BCL9L: variants seen among roughly 807,000 people sequenced by gnomAD.
BCL9L encodes the protein B-cell CLL/lymphoma 9-like protein.
In BCL9L, 19 loss-of-function variants were observed where a neutral mutation model predicts 99.4. The ratio of observed to expected loss-of-function variants is 0.19; its 90% CI spans 0.13 to 0.28. The LOEUF is 0.28. Among genes scored for constraint, BCL9L ranks in the 10% least tolerant of loss-of-function variants. The probability of loss-of-function intolerance (pLI) is 1.00; values close to 1 mark genes in which losing one functional copy is unlikely to be tolerated. For synonymous variants in BCL9L, 900 were observed against 854.8 expected (o/e 1.05, Z -0.92); for missense variants, 2,023 against 2,101.6 (o/e 0.96, Z 0.73).
rs1941263291 is a variant in BCL9L at position 118,925,754 on chromosome 11, C to G, written c.-647G>C. ...CCGGGCGGCGCGGCGCCGGGGGACC[C>G]AGGCGTGCGGGCGTCCGGCCGGCTG... On this transcript the variant is annotated 5_prime_UTR_variant, in exon 1 of 10. Coordinates refer to ENST00000683865, the MANE Select transcript of BCL9L (RefSeq NM_001378213.1). This position sits in a 1 kb window ranked among gnomAD's most constrained non-coding sequence, Gnocchi z 6.4. The G allele has an allele frequency of 6.6e-6, 1 of 150,396 alleles. No individual in the cohort carries two copies. The highest frequency in any genetic ancestry group is 1.5e-5 in the Non-Finnish European group (1 of 67,468). 9.3% of individuals were successfully genotyped at this position (150,396 alleles called of 1,614,324 possible). A position where few individuals can be genotyped will look rare whatever the true frequency, so the allele number is the denominator to read the frequency against.
intron 1 of BCL9L, among the ~76,000 whole-genome samples, chr11:118,919,297 G>A (rs1042635774): frequency 6.6e-6 from 1 of 151,546 alleles, no homozygotes; most frequent in African/African-American, 2.4e-5. Flanking sequence ...GAGGTTGGAG[G>A]ACCCCAGATT....
rs764551213 is a variant in BCL9L, at chr11:118,899,363, G to T, written c.3552C>A (p.Asn1184Lys). Residue 1184 changes from asparagine to lysine, a missense_variant, in exon 10 of 10, where the codon AAC (asparagine) becomes AAA (lysine). Around this residue, in one of 3 missense-constraint regions of BCL9L, gnomAD observed 902 missense variants for 888.2 expected, o/e 1.02. Coordinates refer to ENST00000683865, the MANE Select transcript of BCL9L (RefSeq NM_001378213.1). ...CCTGTGCGTTGGGATGCAGTGGAAT[G>T]TTGGAGCCCAGAGGGGTGGGGGAGG... The part of the protein sequence containing the change: ...MLPSPTPLGS[N>K]IPLHPNAQGT... 1 of 1,580,846 alleles carries T rather than the reference G, an allele frequency of 6.3e-7. No homozygotes were observed. The highest frequency in any genetic ancestry group is 1.2e-5 in the South Asian group (1 of 86,836).
At chr11:118,905,320 C>A (rs146726025) in intron 5 of BCL9L, among the ~76,000 whole-genome samples, 1,920 of 152,068 alleles carry the variant, frequency 0.013, 54 homozygotes, top group East Asian at 0.11. Flanking sequence ...ACCAGCCTGG[C>A]CATAATGGTG....
chr11:118,898,253 G>A lies in BCL9L; in HGVS notation c.*162C>T. Reference sequence around the variant, plus strand: ...CCACACTGCCACTTCCCCCTAAGCTGCCAGCACATCTGGTTTCCACAAATG... The same window carrying A: ...CCACACTGCCACTTCCCCCTAAGCTACCAGCACATCTGGTTTCCACAAATG... On this transcript the variant is annotated 3_prime_UTR_variant, in exon 10 of 10. Coordinates refer to ENST00000683865, the MANE Select transcript of BCL9L (RefSeq NM_001378213.1). 9.8e-7 allele frequency: 1 copy of A among 1,020,756 alleles called. No homozygotes were observed. The highest frequency in any genetic ancestry group is 1.4e-6 in the Non-Finnish European group (1 of 724,830). The allele number at this position is 1,020,756 out of a possible 1,614,324, so 63.2% of individuals were successfully genotyped here.
chr11:118,904,906 G>A (rs117092535), intron 5 of BCL9L, among the ~76,000 whole-genome samples: 104 of 152,320 alleles, frequency 6.8e-4, no homozygotes, highest in Admixed American at 1.4e-3. Flanking sequence ...GAGCTTGAGA[G>A]CTGACCTCAA....
chr11:118,912,013 T>G (rs974700936), intron 2 of BCL9L, among the ~76,000 whole-genome samples: 6 of 152,150 alleles, frequency 3.9e-5, no homozygotes, highest in Non-Finnish European at 8.8e-5. Context: ...CACCCTCCCC[T>G]CCGGGACTCC....
rs765228482 is a variant in BCL9L, at chr11:118,901,928, G to A, written c.1815C>T (p.Gly605=). The change falls in exon 8 of 10, where the codon GGC becomes GGT. Residue 605 remains glycine (G), a synonymous_variant. Coordinates refer to ENST00000683865, the MANE Select transcript of BCL9L (RefSeq NM_001378213.1). The surrounding 1 kb of genome is among the most constrained non-coding windows in gnomAD (Gnocchi z 6.6). ...GPPFPGPRFP[G]NQIQRVPGFG... is the part of the protein sequence containing the mutation. ...ACCCAGGTACCCGTTGTATCTGGTT[G>A]CCTGGGAAACGGGGCCCAGGAAAGG... The A allele has an allele frequency of 3.7e-6, 6 of 1,613,444 alleles. No individual in the cohort carries two copies. The highest frequency in any genetic ancestry group is 2.2e-5 in the South Asian group (2 of 90,974).
rs373677149 is a variant in BCL9L at position 118,900,746 on chromosome 11, G to A, written c.2997C>T (p.Ser999=). 3.7e-6 allele frequency: 6 copies of A among 1,613,772 alleles called. No homozygotes were observed. The highest frequency in any genetic ancestry group is 5.1e-6 in the Non-Finnish European group (6 of 1,180,006). ...TGSPSRLKSP[S]MAVPSPGWVA... is the part of the protein sequence containing the mutation. ...CCCAGCCTGGAGAAGGCACCGCCATGGAAGGAGACTTGAGCCTGCTGGGCG... is the reference window on the plus strand; with the variant it reads ...CCCAGCCTGGAGAAGGCACCGCCATAGAAGGAGACTTGAGCCTGCTGGGCG... The change falls in exon 8 of 10, where the codon TCC becomes TCT. Residue 999 remains serine, a synonymous_variant. Transcript: ENST00000683865. The surrounding 1 kb of genome is among the most constrained non-coding windows in gnomAD (Gnocchi z 5.3).
At chr11:118,923,737 G>A (rs935197621) in intron 1 of BCL9L, among the ~76,000 whole-genome samples, 3 of 152,146 alleles carry the variant, frequency 2.0e-5, no homozygotes, top group African/African-American at 7.2e-5. Flanking sequence ...GGTAAGCAGG[G>A]AACCCCTAGA....
chr11:118,909,521 G>A (rs1343497659), intron 3 of BCL9L, among the ~76,000 whole-genome samples: 1 of 152,232 alleles, frequency 6.6e-6, no homozygotes, highest in African/African-American at 2.4e-5. Context: ...TCCGGGGAGG[G>A]GGGAGGGAGG....
chr11:118,899,579 T>G (rs1940113536), intron 9 of BCL9L, 71 bp from the exon 10 acceptor site: 1 of 1,556,554 alleles, frequency 6.4e-7, no homozygotes, highest in Non-Finnish European at 8.7e-7. Flanking sequence ...GCTCAGGCCT[T>G]CCCCACTCCC....
In BCL9L at chr11:118,902,024, T is replaced by C. The variant is rs1279426922; in HGVS notation, c.1719A>G (p.Pro573=). 1.2e-6 allele frequency: 2 copies of C among 1,613,746 alleles called. No individual in the cohort carries two copies. The highest frequency in any genetic ancestry group is 1.7e-6 in the Non-Finnish European group (2 of 1,179,958). ...PYHSKPGDQW[P]PGMGAQLRGP... ...CCCGCAGCTGCGCACCCATTCCAGG[T>C]GGCCACTGATCCCCAGGCTTGCTGT... Residue 573 remains proline, a synonymous_variant, in exon 8 of 10, where the codon CCA becomes CCG. Coordinates refer to ENST00000683865, the MANE Select transcript of BCL9L (RefSeq NM_001378213.1). This position sits in a 1 kb window ranked among gnomAD's most constrained non-coding sequence, Gnocchi z 7.8.
In BCL9L at chr11:118,897,824, G is replaced by A. The variant is rs1335538817; in HGVS notation, c.*591C>T. ...CACACGCACAAACCAGCACAAAAGC[G>A]CAGCGCTCTATTTACAGCTCCGGCT... On this transcript the variant is annotated 3_prime_UTR_variant, in exon 10 of 10. Coordinates refer to ENST00000683865, the MANE Select transcript of BCL9L (RefSeq NM_001378213.1). 8 of 456,274 alleles carry A rather than the reference G, an allele frequency of 1.8e-5. No individual in the cohort carries two copies. The highest frequency in any genetic ancestry group is 4.0e-5 in the African/African-American group (2 of 49,964). The allele number at this position is 456,274 out of a possible 1,614,324, so 28.3% of individuals were successfully genotyped here.
chr11:118,900,866 T>A lies in BCL9L; in HGVS notation c.2877A>T (p.Ser959=), dbSNP rs1940194151. 1.2e-6 allele frequency: 2 copies of A among 1,609,892 alleles called. No homozygotes were observed. The highest frequency in any genetic ancestry group is 2.7e-5 in the African/African-American group (2 of 74,908). The change falls in exon 8 of 10, where the codon TCA becomes TCT. Residue 959 remains serine (S), a synonymous_variant. Coordinates refer to ENST00000683865, the MANE Select transcript of BCL9L (RefSeq NM_001378213.1). The surrounding 1 kb of genome is among the most constrained non-coding windows in gnomAD (Gnocchi z 5.3). ...SANLKSPQTP[S]QMVPLPSANP... The stretch of plus-strand genomic sequence containing the variant: ...TGGCAGAAGGCAAGGGCACCATCTG[T>A]GAGGGAGTCTGGGGTGACTTGAGGT...
In BCL9L at chr11:118,903,195, CAG is replaced by C. The variant is rs59136462; in HGVS notation, c.749+39_749+40del. On this transcript the variant is annotated intron_variant, in intron 6 of 9. Transcript: ENST00000683865. This position sits in a 1 kb window ranked among gnomAD's most constrained non-coding sequence, Gnocchi z 5.6. Reference sequence around the variant, plus strand: ...GAACCCCAGGCTGAGAGGTGCTGGGCAGAGAGAGAGAGAGACTTGGCCTGCCC... The same window carrying C: ...GAACCCCAGGCTGAGAGGTGCTGGGCAGAGAGAGAGAGACTTGGCCTGCCC... The C allele has an allele frequency of 5.1e-3, 5,949 of 1,177,430 alleles. No individual in the cohort carries two copies. Among genetic ancestry groups the C allele is most frequent in the Non-Finnish European group, 5.5e-3 (4,867 of 889,890 alleles). The allele number at this position is 1,177,430 out of a possible 1,614,324, so 72.9% of individuals were successfully genotyped here.
chr11:118,913,452 G>A (rs1242526947), intron 2 of BCL9L, among the ~76,000 whole-genome samples: 1 of 152,144 alleles, frequency 6.6e-6, no homozygotes, highest in Non-Finnish European at 1.5e-5. Context: ...ACTTCTCTTG[G>A]CTCCTACAGT....
Position 118,898,798 on chromosome 11 carries a change from G to C in BCL9L, c.4117C>G (p.Arg1373Gly). 6.2e-7 allele frequency: 1 copy of C among 1,613,932 alleles called. No homozygotes were observed. Among genetic ancestry groups the C allele is most frequent in the Non-Finnish European group, 8.5e-7 (1 of 1,179,984 alleles). The change falls in exon 10 of 10, where the codon CGG becomes GGG. Residue 1373 changes from arginine (R) to glycine (G), a missense_variant. By Grantham distance (125) the Arg-to-Gly change is moderately radical. Transcript: ENST00000683865. The stretch of plus-strand genomic sequence containing the variant: ...TGCTGGCCTGGGAGGTTGGGAGGCC[G>C]AGAGGGAGTCTGCTCCGCCATCATG... ...QNMMAEQTPS[R>G]PPNLPGQQGV...
In BCL9L at chr11:118,900,886, T is replaced by C; in HGVS notation, c.2857A>G (p.Lys953Glu). The part of the protein sequence containing the change: ...PLVTSPSANL[K>E]SPQTPSQMVP... ...ATCTGTGAGGGAGTCTGGGGTGACT[T>C]GAGGTTGGCAGAGGGCGAGGTGACC... Residue 953 changes from lysine to glutamate, a missense_variant, in exon 8 of 10, where the codon AAG becomes GAG. Transcript: ENST00000683865. The surrounding 1 kb of genome is among the most constrained non-coding windows in gnomAD (Gnocchi z 5.3). The C allele has an allele frequency of 1.2e-6, 2 of 1,601,260 alleles. No homozygotes were observed. The highest frequency in any genetic ancestry group is 1.7e-6 in the Non-Finnish European group (2 of 1,171,372).
rs1486426765 is a variant in BCL9L at position 118,900,748 on chromosome 11, AAGG to A, written c.2992_2994del (p.Pro998del). 6.2e-7 allele frequency: 1 copy of A among 1,613,820 alleles called. No individual in the cohort carries two copies. The highest frequency in any genetic ancestry group is 2.2e-5 in the East Asian group (1 of 44,876). On this transcript the variant is annotated inframe_deletion, in exon 8 of 10. Coordinates refer to ENST00000683865, the MANE Select transcript of BCL9L (RefSeq NM_001378213.1). The surrounding 1 kb of genome is among the most constrained non-coding windows in gnomAD (Gnocchi z 5.3). ...CAGCCTGGAGAAGGCACCGCCATGGAAGGAGACTTGAGCCTGCTGGGCGAGCCA... is the reference window on the plus strand; with the variant it reads ...CAGCCTGGAGAAGGCACCGCCATGGAAGACTTGAGCCTGCTGGGCGAGCCA...
Sources: gnomAD v4.1 joint callset for allele counts (sites outside exome capture counted in the v4.1 genomes callset) on GRCh38, gnomAD v4.1.1 for gene constraint, gnomAD v4.1.1 regional missense constraint, Gnocchi (gnomAD v3.1) non-coding constraint, MANE v1.5 for transcripts, NCBI Gene and HGNC (gene_info 2026-07-23, HGNC 2026-07-21) for gene names.